The following CCDC171 variants were observed in gnomAD, a reference collection of about 807,000 sequenced individuals.
CCDC171 encodes coiled-coil domain-containing protein 171.
A neutral mutation model predicts 168.2 loss-of-function variants in CCDC171; 177 were observed. That is an observed-to-expected ratio of 1.05 (90% CI 0.93 to 1.19). The LOEUF is 1.19. Among genes scored for constraint, CCDC171 ranks in the 50% most tolerant of loss-of-function variants. CCDC171 has a pLI of 0.00. For synonymous variants in CCDC171, 687 were observed against 540.8 expected (o/e 1.27, Z -3.75); for missense variants, 1,991 against 1,539.0 (o/e 1.29, Z -4.91).
At chr9:15,918,859 A>T (rs1006288149) in intron 24 of CCDC171, among the ~76,000 whole-genome samples, 2 of 151,674 alleles carry the variant, frequency 1.3e-5, no homozygotes, top group Non-Finnish European at 3.0e-5. Flanking sequence ...AAGGCATTTT[A>T]TAACAATATA....
intron 25 of CCDC171, among the ~76,000 whole-genome samples, chr9:15,960,107 C>A (rs1830200549): frequency 6.6e-6 from 1 of 152,174 alleles, no homozygotes; most frequent in Admixed American, 6.5e-5. Context: ...ACTTGACTCA[C>A]TTGGGACTTT....
At chr9:16,045,509 A>G (rs1833647136) in intron 1 of CCDC171, among the ~76,000 whole-genome samples, 1 of 152,132 alleles carries the variant, frequency 6.6e-6, no homozygotes, top group Non-Finnish European at 1.5e-5. Context: ...ACAATCAAGA[A>G]TGTCTCCAGA....
intron 24 of CCDC171, among the ~76,000 whole-genome samples, chr9:15,917,058 GGT>G (rs1301247905): frequency 6.6e-6 from 1 of 151,890 alleles, no homozygotes; most frequent in Non-Finnish European, 1.5e-5. Context: ...TGTCGTAGAG[GGT>G]TAGACAGTCA....
intron 1 of CCDC171, among the ~76,000 whole-genome samples, chr9:16,059,242 C>A (rs188527279): frequency 6.6e-6 from 1 of 152,158 alleles, no homozygotes; most frequent in East Asian, 1.9e-4. Flanking sequence ...CAGGCAGGTG[C>A]GAATGTTTCT....
At chr9:16,003,579 G>A (rs1218529188) in intron 3 of CCDC171, among the ~76,000 whole-genome samples, 1 of 151,978 alleles carries the variant, frequency 6.6e-6, no homozygotes, top group East Asian at 1.9e-4. Flanking sequence ...GGGATGGAGG[G>A]GCACATTTTC....
At chr9:15,629,403 T>G (rs1465375749) in intron 7 of CCDC171, among the ~76,000 whole-genome samples, 6 of 152,262 alleles carry the variant, frequency 3.9e-5, no homozygotes, top group East Asian at 1.9e-4. Context: ...GAGCCGATGC[T>G]ATCAACTGGA....
intron 11 of CCDC171, among the ~76,000 whole-genome samples, chr9:15,704,685 A>C (rs561404039): frequency 8.6e-4 from 131 of 152,328 alleles, no homozygotes; most frequent in African/African-American, 3.0e-3. Flanking sequence ...CAGATTTTGT[A>C]GTTTTCTACA....
At chr9:15,559,358 A>G (rs57098037) in intron 1 of CCDC171, among the ~76,000 whole-genome samples, 4,628 of 152,020 alleles carry the variant, frequency 0.03, 213 homozygotes, top group African/African-American at 0.1. Context: ...TTATTATTGT[A>G]TGGGAGTCTA....
intron 1 of CCDC171, among the ~76,000 whole-genome samples, chr9:15,558,599 T>C (rs2039004786): frequency 6.6e-6 from 1 of 152,066 alleles, no homozygotes. Context: ...TCTTTTTTTA[T>C]TACATCTTTG....
At chr9:15,747,800 G>C (rs2055408234) in intron 18 of CCDC171, among the ~76,000 whole-genome samples, 1 of 152,188 alleles carries the variant, frequency 6.6e-6, no homozygotes, top group South Asian at 2.1e-4. Flanking sequence ...AGAAACCAGA[G>C]CAGAAAGGCT....
chr9:15,810,246 C>G (rs555850295), intron 21 of CCDC171, among the ~76,000 whole-genome samples: 6 of 152,350 alleles, frequency 3.9e-5, no homozygotes, highest in East Asian at 1.9e-4. Flanking sequence ...GAGCTAGACA[C>G]AGAGTGCTGA....
the CCDC171 span, among the ~76,000 whole-genome samples, chr9:16,106,009 C>T: frequency 2.7e-3 from 406 of 152,322 alleles, 3 homozygotes; most frequent in African/African-American, 9.4e-3. Flanking sequence ...ATCGCAGCCA[C>T]CCTTTGGCTT....
At chr9:16,026,154 C>G (rs1452178415) in intron 6 of CCDC171, among the ~76,000 whole-genome samples, 1 of 152,102 alleles carries the variant, frequency 6.6e-6, no homozygotes, top group African/African-American at 2.4e-5. Context: ...CGTAACCCAT[C>G]TCACCCCTCA....
intron 3 of CCDC171, among the ~76,000 whole-genome samples, chr9:15,574,420 G>C (rs993936079): frequency 1.5e-4 from 23 of 152,006 alleles, no homozygotes; most frequent in African/African-American, 4.8e-4. Context: ...TGGGATTATA[G>C]GTGTGAGCCA....
At chr9:16,005,505 G>C (rs997701386) in intron 3 of CCDC171, among the ~76,000 whole-genome samples, 3 of 152,174 alleles carry the variant, frequency 2.0e-5, no homozygotes, top group Non-Finnish European at 4.4e-5. Context: ...TTTGAGTACA[G>C]TTGACCCTTT....
intron 20 of CCDC171, 42 bp from the exon 21 acceptor site, chr9:15,784,467 G>GT (rs755952898): frequency 1.5e-6 from 2 of 1,360,102 alleles, no homozygotes; most frequent in East Asian, 4.7e-5. Flanking sequence ...CAACAATGCA[G>GT]TTAGCTTTAT....
chr9:15,734,876 A>G (rs1314650332), intron 16 of CCDC171, among the ~76,000 whole-genome samples: 1 of 152,182 alleles, frequency 6.6e-6, no homozygotes, highest in African/African-American at 2.4e-5. Context: ...GTTATAGAGG[A>G]TGTTTGGTGT....
At chr9:16,038,771 G>GA (rs1028530477), upstream of CCDC171, among the ~76,000 whole-genome samples, 3 of 131,288 alleles carry the variant, frequency 2.3e-5, no homozygotes, top group African/African-American at 8.6e-5. Context: ...TAACTTGGAT[G>GA]AAAAAATTAA....
rs145698790 is a variant in CCDC171, at chr9:15,865,839, A to G, written c.3469-8693A>G. ...TAACCCACATGTTGTTCAAAGTTCA[A>G]CTCTGCGTGCGTGTGTGTGTGTGTG... On this transcript the variant is annotated intron_variant, in intron 23 of 25. Transcript: ENST00000380701. Among the ~76,000 whole-genome samples, 71 of 99,914 alleles carry G rather than the reference A, an allele frequency of 7.1e-4. No homozygotes were observed. In the East Asian group the frequency reaches 0.022, roughly 31 times the overall value. The allele number at this position is 99,914 out of a possible 152,430, so 65.5% of individuals were successfully genotyped here.
Sources: gnomAD v4.1 joint callset for allele counts (sites outside exome capture counted in the v4.1 genomes callset) on GRCh38, gnomAD v4.1.1 for gene constraint, MANE v1.5 for transcripts, NCBI Gene and HGNC (gene_info 2026-07-23, HGNC 2026-07-21) for gene names.